The following RABEP1 variants were observed in gnomAD, a reference collection of about 807,000 sequenced individuals.
RABEP1 encodes the protein rab GTPase-binding effector protein 1.
A neutral mutation model predicts 123.4 loss-of-function variants in RABEP1; 51 were observed. That is an observed-to-expected ratio of 0.41 (90% CI 0.33 to 0.52). The LOEUF (loss-of-function observed/expected upper bound fraction) is 0.52. Ranked by LOEUF, RABEP1 falls within the 20% of genes least tolerant of loss-of-function variation. RABEP1 has a pLI of 0.16. For missense variants in RABEP1, 888 were observed against 996.3 expected, an observed-to-expected ratio of 0.89 and a Z score of 1.46; for synonymous variants, 347 against 355.2, an observed-to-expected ratio of 0.98 and a Z score of 0.26.
chr17:5,347,304 G>A (rs1467175744), intron 6 of RABEP1, among the ~76,000 whole-genome samples: 1 of 152,144 alleles, frequency 6.6e-6, no homozygotes, highest in Non-Finnish European at 1.5e-5. Context: ...CAGCTACTCA[G>A]GAGGTTGAGG....
chr17:5,337,411 C>T (rs1402690457), intron 4 of RABEP1, among the ~76,000 whole-genome samples: 2 of 152,092 alleles, frequency 1.3e-5, no homozygotes, highest in African/African-American at 4.8e-5. Context: ...ATGGGCTGGG[C>T]GCGGTGGCTC....
chr17:5,348,158 G>T (rs1031993477), intron 6 of RABEP1, among the ~76,000 whole-genome samples: 7 of 152,098 alleles, frequency 4.6e-5, no homozygotes, highest in Non-Finnish European at 7.4e-5. Context: ...TGTATTTTTA[G>T]TAGAGATGGG....
rs926982145 is a variant in RABEP1, at chr17:5,385,665, G to A, written c.*2442G>A. ...TCAGCTCTGAAAGGTAATACAGCTTGTGAGGAAGTGAGCCAGCAGTGGCCT... is the reference window on the plus strand; with the variant it reads ...TCAGCTCTGAAAGGTAATACAGCTTATGAGGAAGTGAGCCAGCAGTGGCCT... On this transcript the variant is annotated 3_prime_UTR_variant, in exon 18 of 18. Transcript: ENST00000537505. The A allele has an allele frequency of 8.7e-6, 2 of 231,096 alleles. No individual in the cohort carries two copies. The highest frequency in any genetic ancestry group is 1.2e-4 in the East Asian group (2 of 16,186). The allele number at this position is 231,096 out of a possible 1,614,324, so 14.3% of individuals were successfully genotyped here.
At chr17:5,342,275 A>T (rs2144626446) in intron 5 of RABEP1, among the ~76,000 whole-genome samples, 1 of 152,350 alleles carries the variant, frequency 6.6e-6, no homozygotes, top group East Asian at 1.9e-4. Flanking sequence ...TAGCTAAATA[A>T]AGATGGGCAG....
chr17:5,319,366 A>C (rs534871036), intron 2 of RABEP1, among the ~76,000 whole-genome samples: 3 of 134,384 alleles, frequency 2.2e-5, no homozygotes, highest in Admixed American at 2.1e-4. Flanking sequence ...AAAAAAACAT[A>C]TATATTTTTT....
intron 6 of RABEP1, among the ~76,000 whole-genome samples, chr17:5,347,881 C>G (rs181865124): frequency 3.6e-4 from 55 of 152,292 alleles, no homozygotes; most frequent in African/African-American, 1.3e-3. Flanking sequence ...ATTGAGACTA[C>G]CAACCTTCCT....
At chr17:5,377,519 A>ATTT (rs1567554740) in intron 14 of RABEP1, among the ~76,000 whole-genome samples, 1 of 98,766 alleles carries the variant, frequency 1.0e-5, no homozygotes, top group Non-Finnish European at 2.0e-5. Flanking sequence ...TTATTTAAAA[A>ATTT]ATTTTTTTTT....
intron 10 of RABEP1, 70 bp downstream of exon 10, chr17:5,363,086 C>A: frequency 9.0e-7 from 1 of 1,109,186 alleles, no homozygotes; most frequent in East Asian, 2.4e-5. Context: ...TAATTGCCCC[C>A]CTCTCCGGCC....
In RABEP1 at chr17:5,323,727, TATATATATCTAGGA is replaced by T. The variant is rs1162831187; in HGVS notation, c.164-8213_164-8200del. Among the ~76,000 whole-genome samples, 8 of 134,816 alleles carry T rather than the reference TATATATATCTAGGA, an allele frequency of 5.9e-5. 1 individual carries two copies. The highest frequency in any genetic ancestry group is 2.0e-4 in the East Asian group (1 of 4,882). The allele number at this position is 134,816 out of a possible 152,430, so 88.4% of individuals were successfully genotyped here. On this transcript the variant is annotated intron_variant, in intron 2 of 17. Coordinates refer to ENST00000537505, the MANE Select transcript of RABEP1 (RefSeq NM_004703.6). ...GAATATATATATATATCTAGGAATA[TATATATATCTAGGA>T]ATATATATATATCTAGGAATATATA... is the stretch of plus-strand genomic sequence containing the variant.
At chr17:5,368,235 T>C in intron 11 of RABEP1, 135 bp from the exon 12 acceptor site, 1 of 640,012 alleles carries the variant, frequency 1.6e-6, no homozygotes, top group Non-Finnish European at 2.7e-6. Flanking sequence ...TGCATGCAGC[T>C]GTTGGATGAT....
At chr17:5,367,914 C>T (rs1191760274) in intron 11 of RABEP1, among the ~76,000 whole-genome samples, 1 of 150,958 alleles carries the variant, frequency 6.6e-6, no homozygotes, top group African/African-American at 2.4e-5. Flanking sequence ...GCCACCACAC[C>T]CAGCTAATTT....
intron 2 of RABEP1, among the ~76,000 whole-genome samples, chr17:5,323,819 AAT>A (rs200561684): frequency 2.8e-5 from 2 of 70,932 alleles, no homozygotes; most frequent in African/African-American, 1.5e-4. Flanking sequence ...TATATCTAGG[AAT>A]ATATATATAT....
chr17:5,301,674 C>G (rs2075136161), intron 1 of RABEP1, among the ~76,000 whole-genome samples: 1 of 152,044 alleles, frequency 6.6e-6, no homozygotes, highest in African/African-American at 2.4e-5. Flanking sequence ...CAGTAACAGT[C>G]TGCATACCAA....
chr17:5,345,068 A>G (rs1172656691), intron 5 of RABEP1, among the ~76,000 whole-genome samples: 1 of 152,248 alleles, frequency 6.6e-6, no homozygotes, highest in East Asian at 1.9e-4. Flanking sequence ...TCAACATTCA[A>G]CCACACTAGA....
intron 15 of RABEP1, 64 bp from the exon 16 acceptor site, chr17:5,380,300 T>C: frequency 9.0e-7 from 1 of 1,112,864 alleles, no homozygotes; most frequent in Non-Finnish European, 1.3e-6. Flanking sequence ...TCTAGGCTCT[T>C]TTAGGTAGTG....
Position 5,383,417 on chromosome 17 carries a change from A to C in RABEP1, c.*194A>C. The C allele has an allele frequency of 1.8e-6, 1 of 563,810 alleles. No homozygotes were observed. Among genetic ancestry groups the C allele is most frequent in the Non-Finnish European group, 3.2e-6 (1 of 315,920 alleles). 34.9% of individuals were successfully genotyped at this position (563,810 alleles called of 1,614,324 possible). ...AACAGTGGGGTGATCTGCAGCCCAG[A>C]GACCTTCAAATGCGAACACTATAAA... is the stretch of plus-strand genomic sequence containing the variant. On this transcript the variant is annotated 3_prime_UTR_variant, in exon 18 of 18. Transcript: ENST00000537505.
intron 1 of RABEP1, among the ~76,000 whole-genome samples, chr17:5,307,500 A>C (rs907528046): frequency 1.3e-5 from 2 of 152,234 alleles, no homozygotes; most frequent in Non-Finnish European, 2.9e-5. Flanking sequence ...TAGGCAAATC[A>C]TCATTATCTG....
At chr17:5,299,651 G>C (rs544779933) in intron 1 of RABEP1, among the ~76,000 whole-genome samples, 1 of 148,348 alleles carries the variant, frequency 6.7e-6, no homozygotes, top group East Asian at 2.0e-4. Context: ...TGTCATTGGG[G>C]TTTGTTTCTC....
chr17:5,335,769 C>T (rs1039354803), intron 4 of RABEP1, among the ~76,000 whole-genome samples: 1 of 151,908 alleles, frequency 6.6e-6, no homozygotes, highest in African/African-American at 2.4e-5. Flanking sequence ...AGGAGTTTCT[C>T]TTTCTCTCTT....
Sources: gnomAD v4.1 joint callset for allele counts (sites outside exome capture counted in the v4.1 genomes callset) on GRCh38, gnomAD v4.1.1 for gene constraint, MANE v1.5 for transcripts, NCBI Gene and HGNC (gene_info 2026-07-23, HGNC 2026-07-21) for gene names.